The following CDH13 variants were observed in gnomAD, a reference collection of about 807,000 sequenced individuals.
CDH13 encodes cadherin 13.
In CDH13, 24 loss-of-function variants were observed where a neutral mutation model predicts 63.8. The ratio of observed to expected loss-of-function variants is 0.38; its 90% CI spans 0.27 to 0.53. The LOEUF (loss-of-function observed/expected upper bound fraction) is 0.53. Ranked by LOEUF, CDH13 falls within the 20% of genes least tolerant of loss-of-function variation. The pLI, the probability that CDH13 is intolerant of heterozygous loss-of-function variation, is 0.85. For missense variants in CDH13, 1,049 were observed against 903.1 expected, an observed-to-expected ratio of 1.16 and a Z score of -2.07; for synonymous variants, 503 against 355.3, an observed-to-expected ratio of 1.42 and a Z score of -4.67.
intron 1 of CDH13, among the ~76,000 whole-genome samples, chr16:82,697,706 G>A (rs1396693323): frequency 6.6e-6 from 1 of 151,554 alleles, no homozygotes; most frequent in Admixed American, 6.6e-5. Flanking sequence ...GGGATTACAG[G>A]CGTGAGCCAC....
intron 2 of CDH13, among the ~76,000 whole-genome samples, chr16:83,003,891 T>A (rs1006437655): frequency 4.6e-5 from 7 of 152,244 alleles, no homozygotes; most frequent in Non-Finnish European, 8.8e-5. Flanking sequence ...CTGTCACTTC[T>A]TTTATATTCT....
At chr16:83,586,426 T>C (rs1744966933) in intron 7 of CDH13, among the ~76,000 whole-genome samples, 2 of 152,204 alleles carry the variant, frequency 1.3e-5, no homozygotes, top group South Asian at 4.1e-4. Context: ...AAAGGAGCCC[T>C]CCAAGGGCTT....
intron 5 of CDH13, among the ~76,000 whole-genome samples, chr16:83,266,681 T>G (rs911529830): frequency 1.3e-5 from 2 of 152,192 alleles, no homozygotes; most frequent in African/African-American, 4.8e-5. Flanking sequence ...GGACAAACAT[T>G]AAGCCAATAT....
chr16:82,634,002 C>A (rs1205382557), intron 1 of CDH13, among the ~76,000 whole-genome samples: 2 of 152,236 alleles, frequency 1.3e-5, no homozygotes, highest in African/African-American at 4.8e-5. Context: ...AGAAAACTAA[C>A]ATTAACAACA....
chr16:83,664,388 G>C (rs1186479025), intron 8 of CDH13, among the ~76,000 whole-genome samples: 1 of 152,110 alleles, frequency 6.6e-6, no homozygotes. Context: ...GAGTGGCTCT[G>C]TTATTAATCT....
chr16:83,626,151 C>T (rs1328078531), intron 8 of CDH13, among the ~76,000 whole-genome samples: 1 of 152,058 alleles, frequency 6.6e-6, no homozygotes, highest in East Asian at 1.9e-4. Flanking sequence ...GCTGGGGCTA[C>T]ACAAGTTTGC....
At chr16:82,842,112 G>GTATATATA (rs1239169050) in intron 1 of CDH13, among the ~76,000 whole-genome samples, 6 of 58,954 alleles carry the variant, frequency 1.0e-4, no homozygotes, top group African/African-American at 2.0e-4. Flanking sequence ...ATATATATAT[G>GTATATATA]TATATATATA....
At chr16:83,438,105 C>T (rs985448823) in intron 6 of CDH13, among the ~76,000 whole-genome samples, 2 of 152,208 alleles carry the variant, frequency 1.3e-5, no homozygotes, top group Non-Finnish European at 2.9e-5. Flanking sequence ...CTCAAAACCC[C>T]TTTCATGACT....
chr16:82,762,305 T>C (rs2034884746), intron 1 of CDH13, among the ~76,000 whole-genome samples: 1 of 152,210 alleles, frequency 6.6e-6, no homozygotes, highest in Non-Finnish European at 1.5e-5. Flanking sequence ...ATTGATTACT[T>C]CTAAATTGTT....
chr16:83,772,709 C>T (rs1474632204), intron 11 of CDH13: 1 of 152,170 alleles, frequency 6.6e-6, no homozygotes, highest in Non-Finnish European at 1.5e-5. Context: ...GTGACATGAC[C>T]ATTCTTATCA....
chr16:83,309,638 G>A (rs987903043), intron 5 of CDH13, among the ~76,000 whole-genome samples: 1 of 152,200 alleles, frequency 6.6e-6, no homozygotes, highest in Non-Finnish European at 1.5e-5. Flanking sequence ...GCCTCCCCAA[G>A]TGCTGGGATT....
At chr16:82,844,818 A>ATT (rs150432302) in intron 1 of CDH13, 37,768 of 120,212 alleles carry the variant, frequency 0.31, 5,204 homozygotes, top group East Asian at 0.39. Context: ...TTTTATTTTT[A>ATT]TTTTTTTTTT....
At chr16:83,534,603 G>C (rs924947390) in intron 7 of CDH13, among the ~76,000 whole-genome samples, 1 of 152,198 alleles carries the variant, frequency 6.6e-6, no homozygotes, top group Non-Finnish European at 1.5e-5. Context: ...TTAGCACAAT[G>C]TTGTAAGGTA....
chr16:83,530,604 A>G lies in CDH13; in HGVS notation c.960+43949A>G, dbSNP rs546732232. 8.5e-5 allele frequency among the ~76,000 whole-genome samples: 13 copies of G among 152,300 alleles called. No homozygotes were observed. In the South Asian group the frequency reaches 2.7e-3, roughly 32 times the overall value. ...CAGCACCCAGGCTTTCACATCAACC[A>G]CGCACCAACCATCACAGCAGCTGTT... On this transcript the variant is annotated intron_variant, in intron 7 of 13. Transcript: ENST00000567109.
chr16:83,143,951 A>G (rs2036640803), intron 4 of CDH13, among the ~76,000 whole-genome samples: 1 of 152,176 alleles, frequency 6.6e-6, no homozygotes, highest in African/African-American at 2.4e-5. Context: ...GAGACGAGAC[A>G]GAAGGCTGGT....
intron 5 of CDH13, among the ~76,000 whole-genome samples, chr16:83,343,075 T>G (rs1049334128): frequency 5.3e-5 from 8 of 152,144 alleles, no homozygotes; most frequent in African/African-American, 1.9e-4. Context: ...TCTGTTCACT[T>G]CATTTTTTCT....
At position 83,516,037 on chromosome 16, in the gene CDH13, C is replaced by G. The variant is rs148731940; in HGVS notation, c.960+29382C>G. On this transcript the variant is annotated intron_variant, in intron 7 of 13. Transcript: ENST00000567109. The stretch of plus-strand genomic sequence containing the variant: ...AAGAAAATCAATTCAAACATTGTTC[C>G]TCGTGATTTATTCAAAAATTCGCTT... 5.1e-3 allele frequency among the ~76,000 whole-genome samples: 778 copies of G among 152,208 alleles called. 6 individuals carry two copies. Among genetic ancestry groups the G allele is most frequent in the Non-Finnish European group, 8.4e-3 (569 of 68,006 alleles).
intron 5 of CDH13, among the ~76,000 whole-genome samples, chr16:83,259,480 T>A (rs932975286): frequency 2.0e-5 from 3 of 152,120 alleles, no homozygotes; most frequent in African/African-American, 7.2e-5. Context: ...AGTGGAGTTC[T>A]CGACGTTCGT....
chr16:82,638,458 G>C (rs903069939), intron 1 of CDH13, among the ~76,000 whole-genome samples: 18 of 152,140 alleles, frequency 1.2e-4, no homozygotes, highest in African/African-American at 4.1e-4. Flanking sequence ...TGCCCTGCAG[G>C]ATTTTTGTGA....
Sources: allele counts gnomAD v4.1 joint callset (sites outside exome capture counted in the v4.1 genomes callset), GRCh38; gene constraint gnomAD v4.1.1; transcripts MANE v1.5; gene names NCBI Gene and HGNC (gene_info 2026-07-23, HGNC 2026-07-21).